PCDHA8: variants seen among roughly 807,000 people sequenced by gnomAD.
PCDHA8 encodes protocadherin alpha-8.
In PCDHA8, 53 loss-of-function variants were observed where a neutral mutation model predicts 61.8. The observed-to-expected ratio is 0.86, with a 90% CI of 0.69 to 1.08. The LOEUF (loss-of-function observed/expected upper bound fraction) is 1.08. Among genes scored for constraint, PCDHA8 ranks in the 50% least tolerant of loss-of-function variants. The pLI is 0.00. For missense variants in PCDHA8, 1,293 were observed against 1,245.0 expected, an observed-to-expected ratio of 1.04 and a Z score of -0.58; for synonymous variants, 618 against 556.6, an observed-to-expected ratio of 1.11 and a Z score of -1.55.
At chr5:140,883,636 G>A (rs781839349) in intron 1 of PCDHA8, 5 of 1,613,974 alleles carry the variant, frequency 3.1e-6, no homozygotes, top group South Asian at 2.2e-5. Context: ...CGGCGTTCGC[G>A]CAGCCCGAGT....
chr5:140,898,330 G>A (rs536378486), intron 1 of PCDHA8, among the ~76,000 whole-genome samples: 29 of 152,102 alleles, frequency 1.9e-4, no homozygotes, highest in African/African-American at 6.0e-4. Flanking sequence ...TGGGTCTAAC[G>A]TTTAAGTCTT....
intron 1 of PCDHA8, among the ~76,000 whole-genome samples, chr5:140,878,501 C>T (rs186968165): frequency 5.9e-5 from 9 of 152,226 alleles, no homozygotes; most frequent in Admixed American, 2.0e-4. Flanking sequence ...ACCATCTGTA[C>T]GATACAGTAC....
At chr5:140,969,821 T>C (rs1358078633) in intron 1 of PCDHA8, among the ~76,000 whole-genome samples, 3 of 152,250 alleles carry the variant, frequency 2.0e-5, no homozygotes, top group Non-Finnish European at 4.4e-5. Flanking sequence ...TACTCTGGAC[T>C]GTCTACAGTG....
intron 1 of PCDHA8, chr5:140,862,777 C>A: frequency 1.7e-6 from 1 of 577,324 alleles, no homozygotes. Context: ...CGCGTTGCAG[C>A]CACTGGACTA....
intron 1 of PCDHA8, chr5:140,871,001 C>T (rs2052611705): frequency 1.9e-6 from 3 of 1,613,292 alleles, no homozygotes; most frequent in Admixed American, 1.7e-5. Flanking sequence ...ATAAGCACAA[C>T]GCGTGCCCTG....
intron 3 of PCDHA8, among the ~76,000 whole-genome samples, chr5:141,002,568 C>T (rs1554258737): frequency 6.6e-6 from 1 of 152,182 alleles, no homozygotes; most frequent in Admixed American, 6.5e-5. Context: ...AGTTAGTGAC[C>T]ATGTGACCAT....
rs576037609 is a variant in PCDHA8, at chr5:140,856,982, A to C, written c.2394+13267A>C. 1.2e-5 allele frequency: 19 copies of C among 1,595,040 alleles called. 1 individual carries two copies. In the South Asian group the frequency reaches 1.9e-4, roughly 16 times the overall value. ...AAATGATGCTATTGACTTTGAGGAC[A>C]GTAACACTTATGAAATTCATGTAGA... is the stretch of plus-strand genomic sequence containing the variant. On this transcript the variant is annotated intron_variant, in intron 1 of 3. Transcript: ENST00000531613.
At chr5:140,931,035 C>A (rs2153606811) in intron 1 of PCDHA8, among the ~76,000 whole-genome samples, 1 of 152,250 alleles carries the variant, frequency 6.6e-6, no homozygotes, top group Non-Finnish European at 1.5e-5. Context: ...GTAGAGCTAG[C>A]AAGAAAAACT....
In PCDHA8 at chr5:141,010,039, T is replaced by G. The variant is rs2098415843; in HGVS notation, c.*102T>G. ...TCCTTTTTCCTATCTACATGAGCCCTCTTAGAGACCTCAGAAATCTGCAGA... is the reference window on the plus strand; with the variant it reads ...TCCTTTTTCCTATCTACATGAGCCCGCTTAGAGACCTCAGAAATCTGCAGA... On this transcript the variant is annotated 3_prime_UTR_variant, in exon 4 of 4. Coordinates refer to ENST00000531613, the MANE Select transcript of PCDHA8 (RefSeq NM_018911.3). The G allele has an allele frequency of 1.4e-5, 23 of 1,593,158 alleles. No homozygotes were observed. Among genetic ancestry groups the G allele is most frequent in the Non-Finnish European group, 1.8e-5 (21 of 1,170,616 alleles).
chr5:140,971,290 A>G (rs2096467357), intron 1 of PCDHA8, among the ~76,000 whole-genome samples: 1 of 152,204 alleles, frequency 6.6e-6, no homozygotes, highest in East Asian at 1.9e-4. Context: ...ATTAATATGT[A>G]CTTTGGTACA....
At chr5:140,976,971 C>A (rs2096740170) in intron 1 of PCDHA8, among the ~76,000 whole-genome samples, 1 of 152,138 alleles carries the variant, frequency 6.6e-6, no homozygotes, top group Non-Finnish European at 1.5e-5. Flanking sequence ...TTTCCTTTTC[C>A]CTGCCTGATC....
At chr5:140,979,211 A>G (rs1241898337) in intron 2 of PCDHA8, among the ~76,000 whole-genome samples, 18 of 152,222 alleles carry the variant, frequency 1.2e-4, no homozygotes, top group Admixed American at 7.9e-4. Context: ...GTGCTGGCAT[A>G]TAAGAGTCCT....
intron 3 of PCDHA8, among the ~76,000 whole-genome samples, chr5:140,991,573 G>C (rs1406319253): frequency 2.0e-5 from 3 of 152,036 alleles, no homozygotes; most frequent in Non-Finnish European, 4.4e-5. Context: ...CCAATAACAG[G>C]CTCCTTATTT....
intron 1 of PCDHA8, among the ~76,000 whole-genome samples, chr5:140,915,190 G>T (rs1317793585): frequency 1.3e-5 from 2 of 151,978 alleles, no homozygotes; most frequent in African/African-American, 4.8e-5. Flanking sequence ...CTAGTGATCC[G>T]CCCATCTTGG....
At chr5:140,843,948 A>G (rs1465306903) in intron 1 of PCDHA8, 4 of 562,382 alleles carry the variant, frequency 7.1e-6, no homozygotes, top group Non-Finnish European at 9.4e-6. Flanking sequence ...GATGATATCC[A>G]TTTTTTACTG....
At chr5:140,858,847 CTA>C (rs1554152061) in intron 1 of PCDHA8, 1 of 294,410 alleles carries the variant, frequency 3.4e-6, no homozygotes, top group African/African-American at 2.3e-5. Context: ...TTCCACTGAT[CTA>C]TATCTCTTCA....
chr5:140,870,793 C>T, intron 1 of PCDHA8: 2 of 1,613,678 alleles, frequency 1.2e-6, no homozygotes, highest in Non-Finnish European at 1.7e-6. Context: ...CGCGCCGGCA[C>T]TGCTGGCGAC....
chr5:140,935,118 T>G (rs189908862), intron 1 of PCDHA8, among the ~76,000 whole-genome samples: 6 of 152,324 alleles, frequency 3.9e-5, no homozygotes, highest in Admixed American at 3.3e-4. Flanking sequence ...AGCTTTCACT[T>G]ATTTTTAGTG....
Position 141,010,074 on chromosome 5 carries a change from G to C in PCDHA8, c.*137G>C. 6.2e-7 allele frequency: 1 copy of C among 1,607,844 alleles called. No homozygotes were observed. Among genetic ancestry groups the C allele is most frequent in the Non-Finnish European group, 8.5e-7 (1 of 1,176,754 alleles). On this transcript the variant is annotated 3_prime_UTR_variant, in exon 4 of 4. Transcript: ENST00000531613. ...CTCAGAAATCTGCAGAAAGTTCCCT[G>C]TGTCTGTCTAGAACGCATTTAACAG...
Sources: gnomAD v4.1 joint callset for allele counts (sites outside exome capture counted in the v4.1 genomes callset) on GRCh38, gnomAD v4.1.1 for gene constraint, MANE v1.5 for transcripts, NCBI Gene and HGNC (gene_info 2026-07-23, HGNC 2026-07-21) for gene names.